The following CNTNAP5 variants were observed in gnomAD, a reference collection of about 807,000 sequenced individuals.
CNTNAP5 encodes contactin-associated protein-like 5.
A neutral mutation model predicts 150.2 loss-of-function variants in CNTNAP5; 72 were observed. The ratio of observed to expected loss-of-function variants is 0.48; its 90% CI spans 0.40 to 0.58. The LOEUF (loss-of-function observed/expected upper bound fraction) is 0.58, where lower values mean the gene tolerates loss of function less well. Among genes scored for constraint, CNTNAP5 ranks in the 20% least tolerant of loss-of-function variants. The probability of loss-of-function intolerance (pLI) is 0.00; values close to 1 mark genes in which losing one functional copy is unlikely to be tolerated. For missense variants in CNTNAP5, 1,636 were observed against 1,626.2 expected, an observed-to-expected ratio of 1.01 and a Z score of -0.10; for synonymous variants, 672 against 619.8, an observed-to-expected ratio of 1.08 and a Z score of -1.25.
intron 1 of CNTNAP5, among the ~76,000 whole-genome samples, chr2:124,026,998 G>C (rs1054349806): frequency 3.9e-5 from 6 of 152,184 alleles, no homozygotes; most frequent in African/African-American, 7.2e-5. Flanking sequence ...GGAAGTTTTG[G>C]AGGGCCAGCA....
intron 9 of CNTNAP5, 41 bp downstream of exon 9, chr2:124,524,493 G>A: frequency 6.4e-7 from 1 of 1,559,836 alleles, no homozygotes; most frequent in South Asian, 1.2e-5. Flanking sequence ...TAAGAAGGGA[G>A]GGAAATTTAA....
chr2:124,122,890 A>C (rs990181834), intron 1 of CNTNAP5, among the ~76,000 whole-genome samples: 2 of 150,272 alleles, frequency 1.3e-5, no homozygotes, highest in African/African-American at 4.9e-5. Context: ...AGTGATAAGA[A>C]AAAAAATATA....
intron 1 of CNTNAP5, among the ~76,000 whole-genome samples, chr2:124,212,095 C>T (rs1056155618): frequency 1.8e-4 from 28 of 152,134 alleles, no homozygotes; most frequent in African/African-American, 6.8e-4. Context: ...TCTTTAGTTG[C>T]CTCCTTTCCC....
intron 6 of CNTNAP5, among the ~76,000 whole-genome samples, chr2:124,464,596 T>C (rs1693333028): frequency 6.6e-6 from 1 of 152,146 alleles, no homozygotes; most frequent in Non-Finnish European, 1.5e-5. Context: ...CAGTAAAACA[T>C]AAGTTACAAA....
intron 3 of CNTNAP5, among the ~76,000 whole-genome samples, chr2:124,297,811 TTATTATTATTA>T (rs745844529): frequency 3.0e-3 from 44 of 14,684 alleles, no homozygotes; most frequent in Non-Finnish European, 2.9e-3. Context: ...ATCCAATTAT[TTATTATTATTA>T]TTATTATTAT....
At chr2:124,582,994 G>C (rs574928321) in intron 11 of CNTNAP5, among the ~76,000 whole-genome samples, 1 of 152,040 alleles carries the variant, frequency 6.6e-6, no homozygotes, top group Admixed American at 6.6e-5. Flanking sequence ...TTTAAAAAAG[G>C]CTTTTTTTTC....
intron 3 of CNTNAP5, among the ~76,000 whole-genome samples, chr2:124,396,386 C>T (rs979429399): frequency 5.3e-5 from 8 of 152,292 alleles, no homozygotes; most frequent in Admixed American, 3.9e-4. Flanking sequence ...TGCAGAGGAG[C>T]TGCTGGAAGC....
intron 3 of CNTNAP5, among the ~76,000 whole-genome samples, chr2:124,403,258 G>A (rs1691475286): frequency 1.3e-5 from 2 of 152,098 alleles, no homozygotes; most frequent in African/African-American, 4.8e-5. Flanking sequence ...ATTTTTACAA[G>A]TATTTTCTAT....
intron 3 of CNTNAP5, among the ~76,000 whole-genome samples, chr2:124,341,864 A>G (rs920486313): frequency 2.0e-5 from 3 of 152,156 alleles, no homozygotes; most frequent in African/African-American, 7.2e-5. Context: ...CCTGAAGGTT[A>G]TATCAAGCTG....
At chr2:124,315,951 G>A (rs1688948488) in intron 3 of CNTNAP5, among the ~76,000 whole-genome samples, 1 of 152,146 alleles carries the variant, frequency 6.6e-6, no homozygotes, top group African/African-American at 2.4e-5. Flanking sequence ...ACCTGCTGAT[G>A]TAAGTCCTGA....
At chr2:124,898,565 T>A (rs1678354441) in intron 21 of CNTNAP5, among the ~76,000 whole-genome samples, 1 of 151,512 alleles carries the variant, frequency 6.6e-6, no homozygotes, top group African/African-American at 2.4e-5. Flanking sequence ...GAAATAAAGG[T>A]GTTTGCAAAA....
At chr2:124,332,214 T>A (rs1044992979) in intron 3 of CNTNAP5, among the ~76,000 whole-genome samples, 2 of 151,688 alleles carry the variant, frequency 1.3e-5, no homozygotes, top group African/African-American at 4.8e-5. Flanking sequence ...AACCTCTACA[T>A]TGGACAAAAA....
In CNTNAP5 at chr2:124,510,473, A is replaced by ATG. The variant is rs201634055; in HGVS notation, c.1327+5921_1327+5922dup. On this transcript the variant is annotated intron_variant, in intron 8 of 23. Transcript: ENST00000682447. ...ACAAACAAAAAAGTAAATTTTATGT[A>ATG]TGTGTATATATATATATATATATAT... Among the ~76,000 whole-genome samples, 875 of 112,038 alleles carry ATG rather than the reference A, an allele frequency of 7.8e-3. 15 individuals are homozygous for ATG. Among genetic ancestry groups the ATG allele is most frequent in the African/African-American group, 0.026 (760 of 28,794 alleles). The allele number at this position is 112,038 out of a possible 152,430, so 73.5% of individuals were successfully genotyped here.
intron 10 of CNTNAP5, among the ~76,000 whole-genome samples, chr2:124,559,510 T>C (rs950968921): frequency 1.3e-5 from 2 of 152,232 alleles, no homozygotes; most frequent in African/African-American, 4.8e-5. Context: ...TCCATCCAGA[T>C]GCAGTTATAG....
intron 3 of CNTNAP5, among the ~76,000 whole-genome samples, chr2:124,348,935 A>G (rs1296557412): frequency 6.6e-6 from 1 of 152,124 alleles, no homozygotes; most frequent in Non-Finnish European, 1.5e-5. Context: ...ATACATATAT[A>G]ACATTAATAT....
At chr2:124,163,068 C>T (rs931213147) in intron 1 of CNTNAP5, among the ~76,000 whole-genome samples, 9 of 152,098 alleles carry the variant, frequency 5.9e-5, no homozygotes, top group East Asian at 1.9e-4. Flanking sequence ...CTTTCTCCTA[C>T]GACCATTAAA....
chr2:124,150,804 T>A (rs532265317), intron 1 of CNTNAP5, among the ~76,000 whole-genome samples: 51 of 152,280 alleles, frequency 3.3e-4, no homozygotes, highest in African/African-American at 1.2e-3. Flanking sequence ...TACCATCACA[T>A]TGGGAATTAA....
chr2:124,763,794 G>A lies in CNTNAP5; in HGVS notation c.2357G>A (p.Gly786Asp), dbSNP rs1681009764. The A allele has an allele frequency of 6.2e-7, 1 of 1,612,932 alleles. No homozygotes were observed. Among genetic ancestry groups the A allele is most frequent in the East Asian group, 2.2e-5 (1 of 44,724 alleles). The stretch of plus-strand genomic sequence containing the variant: ...AGAATTGGTCCCTTGCGTTGCTATG[G>A]TGACCGTGAGTACAAAATCGAAAGA... The part of the protein sequence containing the change: ...AWRIGPLRCY[G>D]DRRFWNAVSF... Residue 786 changes from glycine to aspartate, a missense_variant, in exon 15 of 24, where the codon GGT (glycine) becomes GAT (aspartate). Physicochemically the swap from Gly to Asp is moderately conservative, Grantham distance 94. Transcript: ENST00000682447.
intron 21 of CNTNAP5, among the ~76,000 whole-genome samples, chr2:124,872,383 TG>T (rs1677768596): frequency 1.0e-5 from 1 of 99,820 alleles, no homozygotes; most frequent in Non-Finnish European, 2.3e-5. Context: ...GCTGTGTGTG[TG>T]TGTGTGTGTG....
Sources: gnomAD v4.1 joint callset for allele counts (sites outside exome capture counted in the v4.1 genomes callset) on GRCh38, gnomAD v4.1.1 for gene constraint, MANE v1.5 for transcripts, NCBI Gene and HGNC (gene_info 2026-07-23, HGNC 2026-07-21) for gene names.